SLC41A3: variants seen among roughly 807,000 people sequenced by gnomAD.
SLC41A3 encodes SLC41A1-like 2.
SLC41A3 carries 44 observed loss-of-function variants against 45.4 expected under a neutral mutation model. That is an observed-to-expected ratio of 0.97 (90% CI 0.76 to 1.25). The LOEUF is 1.25. Among genes scored for constraint, SLC41A3 ranks in the 50% most tolerant of loss-of-function variants. The pLI is 0.00. For missense variants in SLC41A3, 550 were observed against 600.6 expected (o/e 0.92, Z 0.88); for synonymous variants, 256 against 252.4 (o/e 1.01, Z -0.13).
chr3:126,059,696 A>C (rs1233987221), intron 2 of SLC41A3, among the ~76,000 whole-genome samples: 3 of 152,194 alleles, frequency 2.0e-5, no homozygotes, highest in African/African-American at 4.8e-5. Flanking sequence ...CAGTTTGTTC[A>C]AACAGGAGAT....
At chr3:126,083,642 C>T (rs774339423) in intron 1 of SLC41A3, among the ~76,000 whole-genome samples, 7 of 151,994 alleles carry the variant, frequency 4.6e-5, no homozygotes, top group Non-Finnish European at 1.0e-4. Context: ...AGGAGTCACG[C>T]GTGTGACATC....
At chr3:126,059,233 G>GAA (rs1195539577) in intron 2 of SLC41A3, among the ~76,000 whole-genome samples, 8 of 5,946 alleles carry the variant, frequency 1.3e-3, no homozygotes, top group East Asian at 0.011. Flanking sequence ...AAGAAAGAAA[G>GAA]AGAAAGAAAG....
intron 2 of SLC41A3, among the ~76,000 whole-genome samples, chr3:126,061,593 T>C (rs1944072807): frequency 6.6e-6 from 1 of 152,222 alleles, no homozygotes; most frequent in African/African-American, 2.4e-5. Context: ...AATGAATGAA[T>C]GAACGAACTG....
intron 2 of SLC41A3, among the ~76,000 whole-genome samples, chr3:126,052,773 T>G (rs1943417822): frequency 6.6e-6 from 1 of 152,152 alleles, no homozygotes; most frequent in African/African-American, 2.4e-5. Context: ...TCGGCCCCTC[T>G]TCTTCCTCCT....
intron 10 of SLC41A3, among the ~76,000 whole-genome samples, chr3:126,007,887 A>C (rs1016746219): frequency 6.6e-6 from 1 of 152,246 alleles, no homozygotes; most frequent in African/African-American, 2.4e-5. Context: ...CAAAGGCCCC[A>C]GACCCACTGG....
chr3:126,040,389 G>C (rs1503073), intron 3 of SLC41A3, among the ~76,000 whole-genome samples: 52,869 of 151,910 alleles, frequency 0.35, 10,302 homozygotes, highest in African/African-American at 0.54. Context: ...AATCCCTGAA[G>C]AATGGAAAGT....
At chr3:126,075,403 C>T (rs1319208952) in intron 1 of SLC41A3, among the ~76,000 whole-genome samples, 1 of 151,538 alleles carries the variant, frequency 6.6e-6, no homozygotes, top group East Asian at 1.9e-4. Flanking sequence ...CATTGATCTC[C>T]AGGTTTAATA....
At chr3:126,071,180 A>C (rs1489322075) in intron 1 of SLC41A3, among the ~76,000 whole-genome samples, 1 of 152,242 alleles carries the variant, frequency 6.6e-6, no homozygotes, top group Non-Finnish European at 1.5e-5. Flanking sequence ...ATAAATGGAT[A>C]GGTTGGAAGT....
Position 126,076,078 on chromosome 3 carries a change from A to G in SLC41A3, c.-27-7832T>C, listed in dbSNP as rs1044125837. ...TGTGCAAGTATTTGCCAATCATTAT[A>G]TCTAATGAGGGTTTAGTATCCCAAA... is the stretch of plus-strand genomic sequence containing the variant. On this transcript the variant is annotated intron_variant, in intron 1 of 10. Coordinates refer to ENST00000360370, the MANE Select transcript of SLC41A3 (RefSeq NM_017836.4). 2.0e-5 allele frequency among the ~76,000 whole-genome samples: 3 copies of G among 152,238 alleles called. No individual in the cohort carries two copies. The South Asian group carries it at 6.2e-4, about 32-fold the overall frequency.
At chr3:126,049,724 C>T (rs747961788) in intron 3 of SLC41A3, among the ~76,000 whole-genome samples, 5 of 152,164 alleles carry the variant, frequency 3.3e-5, no homozygotes, top group Non-Finnish European at 7.4e-5. Flanking sequence ...AGTTTCCTCT[C>T]GCTGCTGTAA....
At chr3:126,077,427 C>A (rs1349290383) in intron 1 of SLC41A3, among the ~76,000 whole-genome samples, 1 of 152,100 alleles carries the variant, frequency 6.6e-6, no homozygotes, top group Non-Finnish European at 1.5e-5. Context: ...AAATCACTGA[C>A]AATTTCACTA....
intron 3 of SLC41A3, among the ~76,000 whole-genome samples, chr3:126,042,811 G>A (rs925830231): frequency 2.6e-5 from 4 of 152,040 alleles, no homozygotes; most frequent in Admixed American, 1.3e-4. Context: ...TCTGAAGAAT[G>A]AGCAAATTTG....
intron 1 of SLC41A3, among the ~76,000 whole-genome samples, chr3:126,098,339 A>G (rs1230102781): frequency 1.3e-5 from 2 of 152,212 alleles, no homozygotes; most frequent in African/African-American, 4.8e-5. Flanking sequence ...ACCATCTGCA[A>G]GACAGGGAGA....
chr3:126,091,554 G>A (rs1157287701), intron 1 of SLC41A3, among the ~76,000 whole-genome samples: 2 of 152,180 alleles, frequency 1.3e-5, no homozygotes, highest in East Asian at 3.9e-4. Context: ...GGTTGAAATA[G>A]GGGTTGTGGA....
chr3:126,086,696 G>C (rs1945402265), upstream of SLC41A3, among the ~76,000 whole-genome samples: 1 of 151,836 alleles, frequency 6.6e-6, no homozygotes, highest in South Asian at 2.1e-4. Context: ...CCTTTAATAT[G>C]CAAATGTAGG....
chr3:126,012,411 G>A (rs1219483081), intron 9 of SLC41A3, among the ~76,000 whole-genome samples: 1 of 152,144 alleles, frequency 6.6e-6, no homozygotes, highest in Non-Finnish European at 1.5e-5. Context: ...CTAGTGCCCA[G>A]TGGACATTCA....
intron 10 of SLC41A3, 43 bp downstream of exon 10, chr3:126,008,689 G>T: frequency 6.3e-7 from 1 of 1,599,916 alleles, no homozygotes; most frequent in South Asian, 1.1e-5. Flanking sequence ...CCTGCTGGCT[G>T]ACTACACAGC....
intron 6 of SLC41A3, among the ~76,000 whole-genome samples, chr3:126,019,998 T>C (rs1426035211): frequency 6.6e-6 from 1 of 152,074 alleles, no homozygotes; most frequent in African/African-American, 2.4e-5. Flanking sequence ...AAACAAGTCT[T>C]CGTCTGGGCC....
intron 1 of SLC41A3, among the ~76,000 whole-genome samples, chr3:126,092,355 T>A (rs1222110101): frequency 3.3e-5 from 5 of 152,128 alleles, no homozygotes; most frequent in African/African-American, 1.2e-4. Context: ...TAGCCAGACC[T>A]ACCCCTTTAT....
Sources: allele counts gnomAD v4.1 joint callset (sites outside exome capture counted in the v4.1 genomes callset), GRCh38; gene constraint gnomAD v4.1.1; transcripts MANE v1.5; gene names NCBI Gene and HGNC (gene_info 2026-07-23, HGNC 2026-07-21).